The following KCNQ1 variants were observed in gnomAD, a reference collection of about 807,000 sequenced individuals.
KCNQ1 encodes potassium voltage-gated channel subfamily Q member 1.
A neutral mutation model predicts 72.4 loss-of-function variants in KCNQ1; 49 were observed. The ratio of observed to expected loss-of-function variants is 0.68; its 90% CI spans 0.54 to 0.86. The LOEUF is 0.86. Ranked by LOEUF, KCNQ1 falls within the 40% of genes least tolerant of loss-of-function variation. The probability of loss-of-function intolerance (pLI) is 0.00; values close to 1 mark genes in which losing one functional copy is unlikely to be tolerated. For missense variants in KCNQ1, 790 were observed against 945.1 expected (o/e 0.84, Z 2.15); for synonymous variants, 450 against 412.6 (o/e 1.09, Z -1.10).
Position 2,772,079 on chromosome 11 carries a change from T to A in KCNQ1, c.1590+3160T>A, listed in dbSNP as rs1846611007. Among the ~76,000 whole-genome samples the A allele has an allele frequency of 6.6e-6, 1 of 152,104 alleles. No individual in the cohort carries two copies. On this transcript the variant is annotated intron_variant, in intron 12 of 15. Coordinates refer to ENST00000155840, the MANE Select transcript of KCNQ1 (RefSeq NM_000218.3). This position sits in a 1 kb window ranked among gnomAD's most constrained non-coding sequence, Gnocchi z 6.6. ...GCTCCCTCCGACCTCACCAGCTGGC[T>A]CTTATTGCTGGGAGCAGCATGGAGG...
At position 2,602,127 on chromosome 11, in the gene KCNQ1, G is replaced by A. The variant is rs987971869; in HGVS notation, c.1393+13273G>A. Among the ~76,000 whole-genome samples, 13 of 152,150 alleles carry A rather than the reference G, an allele frequency of 8.5e-5. No individual in the cohort carries two copies. Among genetic ancestry groups the A allele is most frequent in the African/African-American group, 2.7e-4 (11 of 41,418 alleles). ...GGAAATGGCAATGTGATTTGAGGAAGGGGTCACAAACCAAAGAACGCTTCC... is the reference window on the plus strand; with the variant it reads ...GGAAATGGCAATGTGATTTGAGGAAAGGGTCACAAACCAAAGAACGCTTCC... On this transcript the variant is annotated intron_variant, in intron 10 of 15. Coordinates refer to ENST00000155840, the MANE Select transcript of KCNQ1 (RefSeq NM_000218.3). This position sits in a 1 kb window ranked among gnomAD's most constrained non-coding sequence, Gnocchi z 4.8.
At chr11:2,629,670 A>T (rs954073642) in intron 10 of KCNQ1, 5 of 398,348 alleles carry the variant, frequency 1.3e-5, no homozygotes, top group Non-Finnish European at 2.2e-5. Context: ...GGAGCTCTCT[A>T]TTCTTTTTGA....
At chr11:2,629,943 G>A (rs903694761) in intron 10 of KCNQ1, 5 of 398,212 alleles carry the variant, frequency 1.3e-5, no homozygotes, top group East Asian at 1.1e-4. Flanking sequence ...CTCTGGCTAG[G>A]ACTTCCAGTA....
At position 2,658,629 on chromosome 11, in the gene KCNQ1, T is replaced by A. The variant is rs939279233; in HGVS notation, c.1394-3332T>A. On this transcript the variant is annotated intron_variant, in intron 10 of 15. Transcript: ENST00000155840. This position sits in a 1 kb window ranked among gnomAD's most constrained non-coding sequence, Gnocchi z 4.9. ...AAAACCTGGATCTAGGCACGGGGTATGCTCGTGGCTACTAGGGTATCATTG... is the reference window on the plus strand; with the variant it reads ...AAAACCTGGATCTAGGCACGGGGTAAGCTCGTGGCTACTAGGGTATCATTG... The A allele has an allele frequency of 2.5e-6, 1 of 398,416 alleles. No individual in the cohort carries two copies. The highest frequency in any genetic ancestry group is 4.4e-6 in the Non-Finnish European group (1 of 226,042). 24.7% of individuals were successfully genotyped at this position (398,416 alleles called of 1,614,324 possible).
In KCNQ1 at chr11:2,817,136, C is replaced by G. The variant is rs925671260; in HGVS notation, c.1795-30631C>G. ...CTGTGGCGCCAGCCTGCACCCGGCTCTGCTCCACAGGCCAACTCTGCGCAC... is the reference window on the plus strand; with the variant it reads ...CTGTGGCGCCAGCCTGCACCCGGCTGTGCTCCACAGGCCAACTCTGCGCAC... On this transcript the variant is annotated intron_variant, in intron 15 of 15. Transcript: ENST00000155840. The surrounding 1 kb of genome is among the most constrained non-coding windows in gnomAD (Gnocchi z 6.1). Among the ~76,000 whole-genome samples the G allele has an allele frequency of 2.2e-4, 34 of 152,194 alleles. No homozygotes were observed. The highest frequency in any genetic ancestry group is 2.1e-4 in the Non-Finnish European group (14 of 68,032).
In KCNQ1 at chr11:2,593,647, G is replaced by A. The variant is rs185616279; in HGVS notation, c.1393+4793G>A. On this transcript the variant is annotated intron_variant, in intron 10 of 15. Transcript: ENST00000155840. This position sits in a 1 kb window ranked among gnomAD's most constrained non-coding sequence, Gnocchi z 6.9. ...CCCCAGTGTGGTCTGGGGACTCATC[G>A]TTCACACTCGTGTGTGTGCTTTCTG... is the stretch of plus-strand genomic sequence containing the variant. Among the ~76,000 whole-genome samples the A allele has an allele frequency of 2.7e-4, 41 of 152,230 alleles. 1 individual carries two copies. The East Asian group carries it at 3.3e-3, about 12-fold the overall frequency.
intron 8 of KCNQ1, 150 bp from the exon 9 acceptor site, chr11:2,587,420 A>G: frequency 2.6e-6 from 3 of 1,135,804 alleles, no homozygotes; most frequent in Non-Finnish European, 3.8e-6. Flanking sequence ...AGCTGGGACC[A>G]TGTCAAGCCT....
chr11:2,721,219 G>A (rs563123341), intron 11 of KCNQ1, among the ~76,000 whole-genome samples: 14 of 152,274 alleles, frequency 9.2e-5, no homozygotes, highest in Non-Finnish European at 1.3e-4. Context: ...CAGCATCCAC[G>A]ACTAATTTCT....
chr11:2,814,144 G>T (rs1259422012), intron 15 of KCNQ1, among the ~76,000 whole-genome samples: 1 of 144,298 alleles, frequency 6.9e-6, no homozygotes, highest in Non-Finnish European at 1.5e-5. Flanking sequence ...ATGGATGGAT[G>T]AATGGGTAGG....
intron 15 of KCNQ1, among the ~76,000 whole-genome samples, chr11:2,814,698 T>C (rs1014985952): frequency 6.6e-6 from 1 of 151,934 alleles, no homozygotes; most frequent in Admixed American, 6.6e-5. Flanking sequence ...GCAAGCAGGC[T>C]TGGATGAGTA....
chr11:2,583,240 G>C (rs576679510), intron 6 of KCNQ1, among the ~76,000 whole-genome samples, 195 bp from the exon 7 acceptor site: 2 of 152,166 alleles, frequency 1.3e-5, no homozygotes, highest in Non-Finnish European at 2.9e-5. Context: ...TGTGTGTGAC[G>C]CCGAGAGCCT....
At chr11:2,837,987 G>A (rs971074867) in intron 15 of KCNQ1, among the ~76,000 whole-genome samples, 4 of 152,360 alleles carry the variant, frequency 2.6e-5, no homozygotes, top group Non-Finnish European at 2.9e-5. Flanking sequence ...GAAGGAGAGG[G>A]GGTCATGGGC....
intron 10 of KCNQ1, among the ~76,000 whole-genome samples, chr11:2,606,043 A>G (rs977158981): frequency 2.0e-5 from 3 of 152,240 alleles, no homozygotes; most frequent in Non-Finnish European, 4.4e-5. Context: ...TGGTAAAAAT[A>G]TACATAAAAT....
Position 2,676,123 on chromosome 11 carries a change from T to C in KCNQ1, c.1514+14042T>C, listed in dbSNP as rs1850289498. The C allele has an allele frequency of 2.5e-6, 1 of 398,540 alleles. No homozygotes were observed. The highest frequency in any genetic ancestry group is 2.1e-5 in the African/African-American group (1 of 48,650). 24.7% of individuals were successfully genotyped at this position (398,540 alleles called of 1,614,324 possible). A position where few individuals can be genotyped will look rare whatever the true frequency, so the allele number is the denominator to read the frequency against. ...CATGTACTTAGTAGATACGGCTCCT[T>C]TTTATACAAATGGTAGCATACTGTA... On this transcript the variant is annotated intron_variant, in intron 11 of 15. Transcript: ENST00000155840. The surrounding 1 kb of genome is among the most constrained non-coding windows in gnomAD (Gnocchi z 4.2).
At chr11:2,770,675 C>T (rs1846579981) in intron 12 of KCNQ1, among the ~76,000 whole-genome samples, 1 of 152,264 alleles carries the variant, frequency 6.6e-6, no homozygotes, top group South Asian at 2.1e-4. Flanking sequence ...TGGCAAATGC[C>T]ACTGCTGGCC....
intron 11 of KCNQ1, among the ~76,000 whole-genome samples, chr11:2,743,120 G>A (rs568919777): frequency 1.2e-4 from 18 of 152,312 alleles, no homozygotes; most frequent in African/African-American, 4.3e-4. Flanking sequence ...GCCACAATTG[G>A]GCAGATCTGG....
chr11:2,515,694 C>T lies in KCNQ1; in HGVS notation c.387-12234C>T, dbSNP rs1564803214. ...GCAGATAGGGCCACATCCATGGGGTCACTTCAGTTTGTCCTCCCGGCGCCT... is the reference window on the plus strand; with the variant it reads ...GCAGATAGGGCCACATCCATGGGGTTACTTCAGTTTGTCCTCCCGGCGCCT... On this transcript the variant is annotated intron_variant, in intron 1 of 15. Coordinates refer to ENST00000155840, the MANE Select transcript of KCNQ1 (RefSeq NM_000218.3). The surrounding 1 kb of genome is among the most constrained non-coding windows in gnomAD (Gnocchi z 4.7). Among the ~76,000 whole-genome samples, 1 of 152,122 alleles carries T rather than the reference C, an allele frequency of 6.6e-6. No homozygotes were observed. Among genetic ancestry groups the T allele is most frequent in the Non-Finnish European group, 1.5e-5 (1 of 68,006 alleles).
intron 11 of KCNQ1, among the ~76,000 whole-genome samples, chr11:2,709,009 A>T (rs1002230266): frequency 1.3e-5 from 2 of 152,030 alleles, no homozygotes; most frequent in African/African-American, 4.8e-5. Context: ...TGTTTAAAAG[A>T]GCTGAGGGGC....
At chr11:2,521,503 A>G (rs1847381821) in intron 1 of KCNQ1, 2 of 470,444 alleles carry the variant, frequency 4.3e-6, no homozygotes, top group South Asian at 3.1e-5. Context: ...GCATACGGTC[A>G]CGAGAGTGCA....
Sources: allele counts gnomAD v4.1 joint callset (sites outside exome capture counted in the v4.1 genomes callset), GRCh38; gene constraint gnomAD v4.1.1; non-coding constraint Gnocchi (gnomAD v3.1); transcripts MANE v1.5; gene names NCBI Gene and HGNC (gene_info 2026-07-23, HGNC 2026-07-21).